Variants in MKNK2 observed in about 807,000 individuals in gnomAD.
The protein encoded by MKNK2 is MAPK interacting serine/threonine kinase 2.
A neutral mutation model predicts 55.0 loss-of-function variants in MKNK2; 54 were observed. The ratio of observed to expected loss-of-function variants is 0.98; its 90% CI spans 0.79 to 1.23. The LOEUF is 1.23. Among genes scored for constraint, MKNK2 ranks in the 50% most tolerant of loss-of-function variants. The pLI is 0.00. For missense variants in MKNK2, 685 were observed against 632.1 expected, an observed-to-expected ratio of 1.08 and a Z score of -0.90; for synonymous variants, 323 against 256.0, an observed-to-expected ratio of 1.26 and a Z score of -2.50.
At position 2,046,356 on chromosome 19, in the gene MKNK2, TC is replaced by T; in HGVS notation, c.241+10del. ...CTCCCGGCTCCCCCAATGCCCGCCA[TC>T]CCCGCTCACCTTCAAACCTGCCCGA... On this transcript the variant is annotated intron_variant, in intron 4 of 13. Transcript: ENST00000250896. 2 of 1,606,256 alleles carry T rather than the reference TC, an allele frequency of 1.2e-6. No homozygotes were observed.
At position 2,039,800 on chromosome 19, in the gene MKNK2, C is replaced by G; in HGVS notation, c.1211G>C (p.Arg404Pro). The change falls in exon 14 of 14, where the codon CGG (arginine) becomes CCG (proline). Residue 404 changes from arginine (R) to proline (P), a missense_variant. By Grantham distance (103) the Arg-to-Pro change is moderately radical (BLOSUM62 -2). Transcript: ENST00000250896. The part of the protein sequence containing the change: ...SFAAEAIAMN[R>P]QLAQHDEDLA... ...GTCCTCGTCGTGCTGGGCCAGCTGC[C>G]GGTTCATGGCAATGGCCTCAGCCGC... 6.2e-7 allele frequency: 1 copy of G among 1,605,834 alleles called. No individual in the cohort carries two copies. Among genetic ancestry groups the G allele is most frequent in the Non-Finnish European group, 8.5e-7 (1 of 1,179,102 alleles).
rs148785697 is a variant in MKNK2, at chr19:2,046,981, G to C, written c.52-290C>G. On this transcript the variant is annotated intron_variant, in intron 2 of 13. Coordinates refer to ENST00000250896, the MANE Select transcript of MKNK2 (RefSeq NM_199054.3). ...TCTCTCTTTTTTAAATTTATGTTTT[G>C]TAGAGATAAAGTCTTGCTACGTTGC... is the stretch of plus-strand genomic sequence containing the variant. 5.8e-3 allele frequency among the ~76,000 whole-genome samples: 876 copies of C among 152,252 alleles called. 4 individuals are homozygous for C. The highest frequency in any genetic ancestry group is 9.3e-3 in the Non-Finnish European group (630 of 68,010).
chr19:2,046,367 C>G lies in MKNK2; in HGVS notation c.241G>C (p.Asp81His), dbSNP rs549824628. 6.2e-7 allele frequency: 1 copy of G among 1,607,414 alleles called. No individual in the cohort carries two copies. ...ATDSFSGRFE[D>H]VYQLQEDVLG... ...CCCAATGCCCGCCATCCCCGCTCACCTTCAAACCTGCCCGAGAAGCTGTCG... is the reference window on the plus strand; with the variant it reads ...CCCAATGCCCGCCATCCCCGCTCACGTTCAAACCTGCCCGAGAAGCTGTCG... Residue 81 changes from aspartate to histidine, a missense_variant and splice_region_variant, in exon 4 of 14, where the codon GAC becomes CAC. Physicochemically the swap from Asp to His is moderately conservative, Grantham distance 81. Coordinates refer to ENST00000250896, the MANE Select transcript of MKNK2 (RefSeq NM_199054.3).
intron 11 of MKNK2, 49 bp from the exon 12 acceptor site, chr19:2,041,253 T>C (rs1295948164): frequency 1.3e-6 from 2 of 1,567,866 alleles, no homozygotes; most frequent in Non-Finnish European, 1.7e-6. Context: ...AGGGCCTGGA[T>C]ACTGTGCACT....
Position 2,039,447 on chromosome 19 carries a change from C to A in MKNK2, c.*166G>T. ...GGGGTGGAAACAGGAAAAAAAAAAC[C>A]CAAAAGCAAAAACCTTCTATAAAAC... On this transcript the variant is annotated 3_prime_UTR_variant, in exon 14 of 14. Transcript: ENST00000250896. 1 of 1,400,026 alleles carries A rather than the reference C, an allele frequency of 7.1e-7. No homozygotes were observed. 86.7% of individuals were successfully genotyped at this position (1,400,026 alleles called of 1,614,324 possible). A position where few individuals can be genotyped will look rare whatever the true frequency, so the allele number is the denominator to read the frequency against.
chr19:2,042,920 A>C (rs1229137627), intron 7 of MKNK2, 50 bp from the exon 8 acceptor site: 2 of 1,523,990 alleles, frequency 1.3e-6, no homozygotes, highest in Non-Finnish European at 1.8e-6. Flanking sequence ...AGGTCACCTC[A>C]AAGTCCCCTC....
chr19:2,044,281 G>A (rs1351878202), intron 5 of MKNK2, among the ~76,000 whole-genome samples: 3 of 152,180 alleles, frequency 2.0e-5, no homozygotes, highest in Admixed American at 6.5e-5. Context: ...CCCCAGCTCC[G>A]TGCCAGCCTG....
At chr19:2,045,679 C>T (rs902468110) in intron 5 of MKNK2, among the ~76,000 whole-genome samples, 1 of 152,184 alleles carries the variant, frequency 6.6e-6, no homozygotes, top group Non-Finnish European at 1.5e-5. Context: ...TGCCAGGTCA[C>T]GAGGGAAGCC....
chr19:2,041,888 A>G lies in MKNK2; in HGVS notation c.897T>C (p.Cys299=). The stretch of plus-strand genomic sequence containing the variant: ...CGCGGTCCCAGCCGCAGTCGCTGCC[A>G]CAGCGGCCCACGAAGGGCGGGTAGC... ...LSGYPPFVGR[C]GSDCGWDRGE... is the part of the protein sequence containing the mutation. The change falls in exon 11 of 14, where the codon TGT becomes TGC. Residue 299 remains cysteine (C), a synonymous_variant. Transcript: ENST00000250896. The G allele has an allele frequency of 6.5e-7, 1 of 1,543,922 alleles. No individual in the cohort carries two copies. The highest frequency in any genetic ancestry group is 1.2e-5 in the South Asian group (1 of 83,772).
chr19:2,040,701 G>A (rs1054894889), intron 12 of MKNK2: 11 of 371,818 alleles, frequency 3.0e-5, no homozygotes, highest in Admixed American at 8.7e-5. Flanking sequence ...GGCACAGCCT[G>A]GGCTTGAGAC....
chr19:2,043,294 G>A (rs2016932544), intron 6 of MKNK2, 97 bp from the exon 7 acceptor site: 2 of 1,128,802 alleles, frequency 1.8e-6, no homozygotes, highest in African/African-American at 1.5e-5. Context: ...CTTGGTGCTG[G>A]CCTGTCCACC....
chr19:2,043,224 G>A (rs1280205310), intron 6 of MKNK2, 27 bp from the exon 7 acceptor site: 1 of 1,569,036 alleles, frequency 6.4e-7, no homozygotes. Flanking sequence ...GGCAGGAGAG[G>A]AGCTGAGGCT....
In MKNK2 at chr19:2,042,492, G is replaced by A. The variant is rs1337731001; in HGVS notation, c.685C>T (p.Leu229=). The A allele has an allele frequency of 2.5e-6, 4 of 1,597,420 alleles. No homozygotes were observed. Among genetic ancestry groups the A allele is most frequent in the East Asian group, 2.3e-5 (1 of 44,276 alleles). ...VSPVKICDFD[L]GSGIKLNGDC... ...CCGTTGAGTTTGATGCCGCTGCCCA[G>A]GTCGAAGTCACAGATCTTCACGGGG... The change falls in exon 10 of 14, where the codon CTG becomes TTG. Residue 229 remains leucine, a synonymous_variant. Coordinates refer to ENST00000250896, the MANE Select transcript of MKNK2 (RefSeq NM_199054.3).
intron 2 of MKNK2, among the ~76,000 whole-genome samples, chr19:2,049,663 T>A (rs541582926): frequency 1.3e-5 from 2 of 152,314 alleles, no homozygotes; most frequent in South Asian, 4.1e-4. Flanking sequence ...CCCCATGCAC[T>A]GACTCTGTAT....
At chr19:2,044,846 G>C (rs999735646) in intron 5 of MKNK2, among the ~76,000 whole-genome samples, 1 of 152,174 alleles carries the variant, frequency 6.6e-6, no homozygotes, top group Non-Finnish European at 1.5e-5. Flanking sequence ...GCTTCAGGGA[G>C]GGGGCGCAGC....
Position 2,037,953 on chromosome 19 carries a change from C to T in MKNK2, c.*1660G>A. On this transcript the variant is annotated 3_prime_UTR_variant, in exon 14 of 14. Coordinates refer to ENST00000250896, the MANE Select transcript of MKNK2 (RefSeq NM_199054.3). ...TTGCTTGTTCTTTGATACAAAAAGG[C>T]AGAGAATCCCCCGTTACGAAACATG... 1 of 1,387,410 alleles carries T rather than the reference C, an allele frequency of 7.2e-7. No homozygotes were observed. Among genetic ancestry groups the T allele is most frequent in the Non-Finnish European group, 9.4e-7 (1 of 1,058,606 alleles). 85.9% of individuals were successfully genotyped at this position (1,387,410 alleles called of 1,614,324 possible). A position where few individuals can be genotyped will look rare whatever the true frequency, so the allele number is the denominator to read the frequency against.
chr19:2,046,947 G>A (rs988398658), intron 2 of MKNK2, among the ~76,000 whole-genome samples: 1 of 152,200 alleles, frequency 6.6e-6, no homozygotes, highest in African/African-American at 2.4e-5. Flanking sequence ...CTCAGTGTGT[G>A]TGTGGATTTC....
At chr19:2,044,986 C>T (rs2016966863) in intron 5 of MKNK2, among the ~76,000 whole-genome samples, 1 of 152,176 alleles carries the variant, frequency 6.6e-6, no homozygotes, top group Non-Finnish European at 1.5e-5. Flanking sequence ...AGAGGGCCCA[C>T]ACCCCAGTCC....
Position 2,037,858 on chromosome 19 carries a change from A to C in MKNK2, c.*1755T>G. 13 of 1,571,196 alleles carry C rather than the reference A, an allele frequency of 8.3e-6. No homozygotes were observed. Among genetic ancestry groups the C allele is most frequent in the Non-Finnish European group, 1.1e-5 (13 of 1,154,850 alleles). On this transcript the variant is annotated 3_prime_UTR_variant, in exon 14 of 14. Coordinates refer to ENST00000250896, the MANE Select transcript of MKNK2 (RefSeq NM_199054.3). ...CAGAAAAAAAAAAAAAAACAAACAAACAAACGCTGCTAGCCACTCAGCTTT... is the reference window on the plus strand; with the variant it reads ...CAGAAAAAAAAAAAAAAACAAACAACCAAACGCTGCTAGCCACTCAGCTTT...
Sources: allele counts gnomAD v4.1 joint callset (sites outside exome capture counted in the v4.1 genomes callset), GRCh38; gene constraint gnomAD v4.1.1; transcripts MANE v1.5; gene names NCBI Gene and HGNC (gene_info 2026-07-23, HGNC 2026-07-21).